Variants in AGBL4 observed in about 807,000 individuals in gnomAD.
AGBL4 encodes the protein AGBL carboxypeptidase 4.
In AGBL4, 58 loss-of-function variants were observed where a neutral mutation model predicts 66.4. That is an observed-to-expected ratio of 0.87 (90% confidence interval 0.71 to 1.09). The LOEUF is 1.09. Among genes scored for constraint, AGBL4 ranks in the 50% least tolerant of loss-of-function variants. The pLI, the probability that AGBL4 is intolerant of heterozygous loss-of-function variation, is 0.00. For missense variants in AGBL4, 579 were observed against 631.0 expected (o/e 0.92, Z 0.88); for synonymous variants, 234 against 222.9 (o/e 1.05, Z -0.44).
At chr1:49,672,921 CAAAAA>C (rs60612868) in intron 3 of AGBL4, among the ~76,000 whole-genome samples, 4 of 47,058 alleles carry the variant, frequency 8.5e-5, no homozygotes, top group African/African-American at 1.2e-4. Flanking sequence ...AACTCCATCT[CAAAAA>C]AAAAAAAAAA....
At chr1:49,248,514 G>A (rs1651811411) in intron 3 of AGBL4, among the ~76,000 whole-genome samples, 1 of 152,190 alleles carries the variant, frequency 6.6e-6, no homozygotes, top group African/African-American at 2.4e-5. Context: ...AGCAGAGCTA[G>A]TATTTAAACC....
intron 4 of AGBL4, among the ~76,000 whole-genome samples, chr1:49,224,782 T>A (rs1649778123): frequency 6.6e-6 from 1 of 152,100 alleles, no homozygotes; most frequent in South Asian, 2.1e-4. Flanking sequence ...CAGTCTCTAC[T>A]CTTTAGGGAT....
At chr1:49,547,017 C>A (rs952750509) in intron 3 of AGBL4, among the ~76,000 whole-genome samples, 1 of 152,138 alleles carries the variant, frequency 6.6e-6, no homozygotes, top group Non-Finnish European at 1.5e-5. Flanking sequence ...AATTAAGTCC[C>A]AACTTTTATC....
At chr1:49,207,602 C>CTTTCTTTCTTTT (rs757148627) in intron 4 of AGBL4, among the ~76,000 whole-genome samples, 1 of 83,606 alleles carries the variant, frequency 1.2e-5, no homozygotes, top group South Asian at 3.3e-4. Flanking sequence ...TTCTTTCTTT[C>CTTTCTTTCTTTT]TTCTTTTTAT....
intron 3 of AGBL4, among the ~76,000 whole-genome samples, chr1:49,290,143 A>G (rs1644506505): frequency 6.6e-6 from 1 of 152,214 alleles, no homozygotes; most frequent in Non-Finnish European, 1.5e-5. Context: ...AAATATTTGT[A>G]TATGTTAGGC....
chr1:48,963,262 C>A (rs889969811), intron 5 of AGBL4, among the ~76,000 whole-genome samples: 1 of 151,926 alleles, frequency 6.6e-6, no homozygotes, highest in Non-Finnish European at 1.5e-5. Context: ...ATGAGGGCAG[C>A]CTTAATCTGT....
At chr1:49,666,793 T>A (rs545948242) in intron 3 of AGBL4, among the ~76,000 whole-genome samples, 1 of 152,204 alleles carries the variant, frequency 6.6e-6, no homozygotes, top group Admixed American at 6.5e-5. Flanking sequence ...ACCATTACCA[T>A]CCTTATTTTA....
At chr1:48,944,436 T>G (rs1393312835) in intron 5 of AGBL4, among the ~76,000 whole-genome samples, 1 of 152,130 alleles carries the variant, frequency 6.6e-6, no homozygotes, top group African/African-American at 2.4e-5. Flanking sequence ...AGTGTTCAGA[T>G]TCTACTTCAG....
chr1:50,002,035 A>G (rs1008003972), intron 1 of AGBL4, among the ~76,000 whole-genome samples: 1 of 152,194 alleles, frequency 6.6e-6, no homozygotes, highest in African/African-American at 2.4e-5. Context: ...TGAAAAAAGA[A>G]GGACTTCACC....
At chr1:49,949,860 C>T (rs1056164974) in intron 1 of AGBL4, among the ~76,000 whole-genome samples, 5 of 150,410 alleles carry the variant, frequency 3.3e-5, no homozygotes, top group African/African-American at 1.2e-4. Context: ...GGGTATCTAC[C>T]CAGAAGAAAA....
chr1:49,793,038 G>T (rs1034658084), intron 2 of AGBL4, among the ~76,000 whole-genome samples: 1 of 151,942 alleles, frequency 6.6e-6, no homozygotes, highest in African/African-American at 2.4e-5. Context: ...TTGCATAAAT[G>T]ACTACCACCT....
chr1:48,848,538 CA>C (rs1646967798), intron 6 of AGBL4, among the ~76,000 whole-genome samples: 1 of 152,070 alleles, frequency 6.6e-6, no homozygotes, highest in Non-Finnish European at 1.5e-5. Context: ...AATAACAGAA[CA>C]AAAGTTAATT....
At chr1:48,749,048 G>A (rs1167668381) in intron 6 of AGBL4, among the ~76,000 whole-genome samples, 1 of 152,026 alleles carries the variant, frequency 6.6e-6, no homozygotes, top group African/African-American at 2.4e-5. Flanking sequence ...CTTTCCAAGG[G>A]GGAGAAGCCC....
intron 1 of AGBL4, among the ~76,000 whole-genome samples, chr1:49,966,208 C>T (rs2148352772): frequency 6.6e-6 from 1 of 152,238 alleles, no homozygotes; most frequent in South Asian, 2.1e-4. Context: ...TCCCAAAGTG[C>T]TGGGATTACA....
chr1:49,731,750 GA>G (rs1271870158), intron 2 of AGBL4, among the ~76,000 whole-genome samples: 5 of 152,068 alleles, frequency 3.3e-5, no homozygotes, highest in Admixed American at 6.6e-5. Context: ...TTAATACCTT[GA>G]AAAGTATAAA....
chr1:49,634,239 G>C (rs1645627650), intron 3 of AGBL4, among the ~76,000 whole-genome samples: 1 of 151,984 alleles, frequency 6.6e-6, no homozygotes, highest in Non-Finnish European at 1.5e-5. Context: ...AGGGGCCCCA[G>C]TGTGTGATGT....
Position 49,870,025 on chromosome 1 carries a change from G to A in AGBL4, c.35-18507C>T, listed in dbSNP as rs551930455. 8.5e-5 allele frequency among the ~76,000 whole-genome samples: 13 copies of A among 152,170 alleles called. No homozygotes were observed. In the South Asian group the frequency reaches 1.7e-3, roughly 19 times the overall value. Reference sequence around the variant, plus strand: ...AGGTAATTGATATCCCAAACATTCCGATTTGATCATTGTATATTGCATATG... The same window carrying A: ...AGGTAATTGATATCCCAAACATTCCAATTTGATCATTGTATATTGCATATG... On this transcript the variant is annotated intron_variant, in intron 1 of 13. Transcript: ENST00000371839.
intron 5 of AGBL4, among the ~76,000 whole-genome samples, chr1:48,944,321 C>T (rs1228968416): frequency 6.6e-6 from 1 of 152,122 alleles, no homozygotes; most frequent in Non-Finnish European, 1.5e-5. Flanking sequence ...TTTCTCCTTC[C>T]ATCCATCCAT....
intron 5 of AGBL4, among the ~76,000 whole-genome samples, chr1:48,994,927 GA>G (rs2148983243): frequency 6.6e-6 from 1 of 152,184 alleles, no homozygotes; most frequent in East Asian, 1.9e-4. Flanking sequence ...AAAATCCCAT[GA>G]AAATAAGAGG....
Sources: gnomAD v4.1 joint callset for allele counts (sites outside exome capture counted in the v4.1 genomes callset) on GRCh38, gnomAD v4.1.1 for gene constraint, MANE v1.5 for transcripts, NCBI Gene and HGNC (gene_info 2026-07-23, HGNC 2026-07-21) for gene names.